Variants in FAM161B observed in about 807,000 individuals in gnomAD.
FAM161B encodes protein FAM161B.
A neutral mutation model predicts 61.5 loss-of-function variants in FAM161B; 46 were observed. The ratio of observed to expected loss-of-function variants is 0.75; its 90% CI spans 0.59 to 0.96. FAM161B has a LOEUF of 0.96. FAM161B is among the 40% of genes least tolerant of loss of function. The probability of loss-of-function intolerance (pLI) is 0.00; values close to 1 mark genes in which losing one functional copy is unlikely to be tolerated. For missense variants in FAM161B, 774 were observed against 800.7 expected, an observed-to-expected ratio of 0.97 and a Z score of 0.40; for synonymous variants, 284 against 302.7, an observed-to-expected ratio of 0.94 and a Z score of 0.64.
At position 73,932,765 on chromosome 14, in the gene FAM161B, T is replaced by C. The variant is rs745696017; in HGVS notation, c.*1491A>G. 7.6e-5 allele frequency: 20 copies of C among 262,692 alleles called. No individual in the cohort carries two copies. Among genetic ancestry groups the C allele is most frequent in the Non-Finnish European group, 1.5e-4 (20 of 134,314 alleles). 16.3% of individuals were successfully genotyped at this position (262,692 alleles called of 1,614,324 possible). A position where few individuals can be genotyped will look rare whatever the true frequency, so the allele number is the denominator to read the frequency against. Reference sequence around the variant, plus strand: ...TCAGCCTCCTGAATAGCTAGGACTATAGGCATGTACCACCAGTCCAGCTAA... The same window carrying C: ...TCAGCCTCCTGAATAGCTAGGACTACAGGCATGTACCACCAGTCCAGCTAA... On this transcript the variant is annotated 3_prime_UTR_variant, in exon 9 of 9. Coordinates refer to ENST00000286544, the MANE Select transcript of FAM161B (RefSeq NM_152445.3).
At chr14:73,934,514 G>T (rs915939111) in intron 8 of FAM161B, 120 bp from the exon 9 acceptor site, 2 of 913,268 alleles carry the variant, frequency 2.2e-6, no homozygotes. Context: ...GGACAGCCCA[G>T]CTGAAGCAAC....
At chr14:73,939,795 TTA>T (rs1473993355) in intron 5 of FAM161B, among the ~76,000 whole-genome samples, 1 of 152,236 alleles carries the variant, frequency 6.6e-6, no homozygotes. Context: ...ACCAAGACTC[TTA>T]TATTTGGATG....
Position 73,946,505 on chromosome 14 carries a change from C to T in FAM161B, c.155G>A (p.Ser52Asn), listed in dbSNP as rs773770171. 6.2e-7 allele frequency: 1 copy of T among 1,614,224 alleles called. No homozygotes were observed. Among genetic ancestry groups the T allele is most frequent in the Non-Finnish European group, 8.5e-7 (1 of 1,180,044 alleles). The stretch of plus-strand genomic sequence containing the variant: ...AGTAGAATCTATCTCCTCCTCTGGG[C>T]TGAGGAACTCGTCAAGTTTGCTGGC... ...PRASKLDEFLSPEEEIDSTSD... is the reference protein window; with the variant it reads ...PRASKLDEFLNPEEEIDSTSD... The change falls in exon 2 of 9, where the codon AGC becomes AAC. Residue 52 changes from serine to asparagine, a missense_variant. Transcript: ENST00000286544.
chr14:73,924,136 A>C, the FAM161B span, among the ~76,000 whole-genome samples: 2 of 152,128 alleles, frequency 1.3e-5, no homozygotes, highest in Non-Finnish European at 2.9e-5. Flanking sequence ...CCATTACCTA[A>C]ATCAATGGTC....
chr14:73,937,372 A>G (rs975222044), intron 7 of FAM161B, among the ~76,000 whole-genome samples: 3 of 152,202 alleles, frequency 2.0e-5, no homozygotes, highest in Admixed American at 1.3e-4. Flanking sequence ...TGAAAGCTCT[A>G]GGAAGTGAAA....
downstream of FAM161B, chr14:73,927,230 C>A: frequency 4.4e-6 from 1 of 229,246 alleles, no homozygotes; most frequent in South Asian, 3.8e-5. Flanking sequence ...GGACCACAGG[C>A]AGGTGCCACC....
chr14:73,944,204 G>T (rs766983708), intron 3 of FAM161B, 131 bp downstream of exon 3: 1 of 1,417,690 alleles, frequency 7.1e-7, no homozygotes, highest in Non-Finnish European at 9.5e-7. Flanking sequence ...TGCACTAAGC[G>T]TGCAGCCTCT....
chr14:73,943,380 T>C (rs2056035578), intron 3 of FAM161B, among the ~76,000 whole-genome samples: 1 of 152,180 alleles, frequency 6.6e-6, no homozygotes, highest in African/African-American at 2.4e-5. Flanking sequence ...CTGAACTATA[T>C]TTCTGATCAT....
At chr14:73,931,551 C>G, downstream of FAM161B, 1 of 1,610,208 alleles carries the variant, frequency 6.2e-7, no homozygotes, top group Non-Finnish European at 8.5e-7. Flanking sequence ...AGCGTGGGTG[C>G]TGACTCCTGG....
In FAM161B at chr14:73,942,358, T is replaced by G; in HGVS notation, c.1272+11A>C. ...CAGCCCTGACCCTCCCACAGCTGCC[T>G]GGGCTCTCACCTGCCTCCTTCCGGT... On this transcript the variant is annotated intron_variant, in intron 4 of 8. Coordinates refer to ENST00000286544, the MANE Select transcript of FAM161B (RefSeq NM_152445.3). 1 of 1,611,822 alleles carries G rather than the reference T, an allele frequency of 6.2e-7. No individual in the cohort carries two copies. The highest frequency in any genetic ancestry group is 8.5e-7 in the Non-Finnish European group (1 of 1,178,754).
chr14:73,947,299 C>G (rs184435386), intron 1 of FAM161B, among the ~76,000 whole-genome samples: 2 of 149,944 alleles, frequency 1.3e-5, no homozygotes, highest in Non-Finnish European at 3.0e-5. Flanking sequence ...GCAGGAGAAT[C>G]GCTTGAACCC....
At chr14:73,949,855 G>A in intron 1 of FAM161B, 118 bp downstream of exon 1, 3 of 1,422,424 alleles carry the variant, frequency 2.1e-6, no homozygotes, top group South Asian at 1.3e-5. Flanking sequence ...GTCCCTAAAC[G>A]CTCATTTTAA....
chr14:73,942,336 C>A (rs1353733764), intron 4 of FAM161B, 33 bp downstream of exon 4: 2 of 1,600,836 alleles, frequency 1.2e-6, no homozygotes, highest in South Asian at 2.2e-5. Flanking sequence ...CAGGCCGCAG[C>A]CCTGACCCTC....
chr14:73,946,346 T>C lies in FAM161B; in HGVS notation c.314A>G (p.Glu105Gly), dbSNP rs1385827464. ...CCTGTCCTTGTCTTGGAAGAAACTC[T>C]CCAGGTCCTCCTCATCTTCAGAGAG... ...ENLSEDEEDL[E>G]SFFQDKDRGM... Residue 105 changes from glutamate to glycine, a missense_variant, in exon 2 of 9, where the codon GAG becomes GGG. Glu to Gly is a moderately conservative substitution (Grantham distance 98). Transcript: ENST00000286544. 1 of 1,614,184 alleles carries C rather than the reference T, an allele frequency of 6.2e-7. No homozygotes were observed. The highest frequency in any genetic ancestry group is 8.5e-7 in the Non-Finnish European group (1 of 1,180,022).
At chr14:73,941,108 CTTTT>C (rs11358501) in intron 4 of FAM161B, 55 bp from the exon 5 acceptor site, 21,973 of 939,696 alleles carry the variant, frequency 0.023, no homozygotes, top group Non-Finnish European at 0.025. Context: ...TAGTTTCTAT[CTTTT>C]TTTTTTTTTT....
chr14:73,937,921 C>G lies in FAM161B; in HGVS notation c.1565+27G>C, dbSNP rs748017330. The G allele has an allele frequency of 2.5e-5, 40 of 1,612,286 alleles. 1 individual carries two copies. The South Asian group carries it at 4.1e-4, about 16-fold the overall frequency. ...GTCTGTTGGATCCCAAGGCAAGCAC[C>G]CCTTTTGACACATAGAGGACACTGA... On this transcript the variant is annotated intron_variant, in intron 6 of 8. Transcript: ENST00000286544.
chr14:73,949,247 C>G (rs549146039), intron 1 of FAM161B, among the ~76,000 whole-genome samples: 16 of 152,354 alleles, frequency 1.1e-4, no homozygotes, highest in Non-Finnish European at 2.1e-4. Context: ...GGATTACAGG[C>G]ATGTGCCACC....
chr14:73,949,136 C>CT (rs2056100202), intron 1 of FAM161B, among the ~76,000 whole-genome samples: 2 of 151,972 alleles, frequency 1.3e-5, no homozygotes, highest in South Asian at 4.1e-4. Context: ...GAGTTTTGCT[C>CT]TTGTTGCCCA....
At chr14:73,924,211 A>G in the FAM161B span, among the ~76,000 whole-genome samples, 1 of 152,130 alleles carries the variant, frequency 6.6e-6, no homozygotes. Flanking sequence ...TTAGATTCTG[A>G]TAAGGAGTGC....
Sources: gnomAD v4.1 joint callset for allele counts (sites outside exome capture counted in the v4.1 genomes callset) on GRCh38, gnomAD v4.1.1 for gene constraint, MANE v1.5 for transcripts, NCBI Gene and HGNC (gene_info 2026-07-23, HGNC 2026-07-21) for gene names.